Variants in THSD7B observed in about 807,000 individuals in gnomAD.
THSD7B encodes the protein thrombospondin type 1 domain containing 7B.
A neutral mutation model predicts 213.6 loss-of-function variants in THSD7B; 138 were observed. The observed-to-expected ratio is 0.65, with a 90% confidence interval of 0.56 to 0.74. The LOEUF (loss-of-function observed/expected upper bound fraction) is 0.74. THSD7B is among the 30% of genes least tolerant of loss of function. The pLI, the probability that THSD7B is intolerant of heterozygous loss-of-function variation, is 0.00. For synonymous variants in THSD7B, 742 were observed against 687.0 expected (o/e 1.08, Z -1.25); for missense variants, 1,931 against 1,991.5 (o/e 0.97, Z 0.58).
At chr2:137,271,421 A>ATATGGCTTC (rs1189900871) in intron 10 of THSD7B, among the ~76,000 whole-genome samples, 6 of 138,730 alleles carry the variant, frequency 4.3e-5, no homozygotes, top group African/African-American at 5.5e-5. Context: ...TATAATATAT[A>ATATGGCTTC]ATTATATAAT....
chr2:137,132,220 A>G (rs1451000642), intron 5 of THSD7B, among the ~76,000 whole-genome samples: 1 of 151,184 alleles, frequency 6.6e-6, no homozygotes, highest in Non-Finnish European at 1.5e-5. Context: ...TGATTTTTGT[A>G]CATTGATTTT....
intron 2 of THSD7B, among the ~76,000 whole-genome samples, chr2:137,047,504 T>G (rs543736319): frequency 6.6e-6 from 1 of 152,320 alleles, no homozygotes; most frequent in East Asian, 1.9e-4. Flanking sequence ...GACTGGCTTA[T>G]GCCTCCAGAA....
At chr2:137,322,041 T>A (rs1276490438) in intron 12 of THSD7B, among the ~76,000 whole-genome samples, 35 of 152,206 alleles carry the variant, frequency 2.3e-4, no homozygotes. Context: ...TTACTTCTCA[T>A]ATGTTGGATT....
At chr2:137,510,310 A>G (rs1344336005) in intron 15 of THSD7B, among the ~76,000 whole-genome samples, 2 of 152,114 alleles carry the variant, frequency 1.3e-5, no homozygotes, top group Non-Finnish European at 2.9e-5. Context: ...TGCATCTTGA[A>G]TTGATTATAA....
At chr2:137,302,952 T>C (rs1683641046) in intron 12 of THSD7B, among the ~76,000 whole-genome samples, 1 of 152,166 alleles carries the variant, frequency 6.6e-6, no homozygotes, top group South Asian at 2.1e-4. Flanking sequence ...CGGTATGTAG[T>C]TCTCAAATGC....
intron 15 of THSD7B, among the ~76,000 whole-genome samples, chr2:137,552,125 T>G (rs1680860528): frequency 6.6e-6 from 1 of 152,218 alleles, no homozygotes; most frequent in Non-Finnish European, 1.5e-5. Context: ...GGTAGTTTAC[T>G]GAAAGACTTT....
chr2:137,419,635 G>A (rs554904959), intron 14 of THSD7B, among the ~76,000 whole-genome samples: 2 of 151,864 alleles, frequency 1.3e-5, no homozygotes, highest in African/African-American at 4.8e-5. Flanking sequence ...GGGCACAACA[G>A]TGTAGAAAAC....
chr2:137,207,070 A>T (rs1681002091), intron 7 of THSD7B, among the ~76,000 whole-genome samples: 1 of 152,038 alleles, frequency 6.6e-6, no homozygotes, highest in Non-Finnish European at 1.5e-5. Flanking sequence ...AGACATTTTC[A>T]TAGGTAATTT....
intron 6 of THSD7B, among the ~76,000 whole-genome samples, chr2:137,165,003 A>C (rs1340170541): frequency 3.9e-5 from 6 of 152,160 alleles, no homozygotes; most frequent in African/African-American, 1.4e-4. Flanking sequence ...AGTTGTGTAC[A>C]TGTACCCTAG....
At chr2:137,261,166 A>G (rs1481774406) in intron 10 of THSD7B, among the ~76,000 whole-genome samples, 2 of 152,048 alleles carry the variant, frequency 1.3e-5, no homozygotes, top group Admixed American at 1.3e-4. Context: ...CTGTTCAAAG[A>G]CAGAGAGTCA....
intron 5 of THSD7B, among the ~76,000 whole-genome samples, chr2:137,154,794 A>T (rs1679884333): frequency 6.6e-6 from 1 of 152,190 alleles, no homozygotes; most frequent in East Asian, 1.9e-4. Flanking sequence ...TTGTATGCTC[A>T]TCTGAATTCA....
intron 5 of THSD7B, among the ~76,000 whole-genome samples, chr2:137,126,457 C>A (rs1413788674): frequency 6.6e-6 from 1 of 151,556 alleles, no homozygotes; most frequent in African/African-American, 2.4e-5. Flanking sequence ...TTCCCCCACC[C>A]CCCTGCCCCA....
At chr2:137,671,240 T>C (rs1683566477) in intron 27 of THSD7B, among the ~76,000 whole-genome samples, 1 of 39,988 alleles carries the variant, frequency 2.5e-5, no homozygotes, top group Non-Finnish European at 7.8e-5. Flanking sequence ...ATTTGCTTTT[T>C]TTTTTTTAAA....
At chr2:137,519,232 G>C (rs10198633) in intron 15 of THSD7B, among the ~76,000 whole-genome samples, 46,723 of 147,418 alleles carry the variant, frequency 0.32, 7,363 homozygotes, top group South Asian at 0.35. Context: ...AGCCTGGCAA[G>C]AGAGTGAGAC....
intron 2 of THSD7B, among the ~76,000 whole-genome samples, chr2:137,029,102 A>G (rs536664725): frequency 1.4e-5 from 2 of 146,806 alleles, no homozygotes; most frequent in South Asian, 2.2e-4. Flanking sequence ...TTTTTGAGAA[A>G]GAGTCTTGCT....
intron 1 of THSD7B, among the ~76,000 whole-genome samples, chr2:136,782,011 C>A (rs533328018): frequency 1.3e-5 from 2 of 152,270 alleles, no homozygotes; most frequent in South Asian, 2.1e-4. Context: ...TAAAAAACTT[C>A]CATAGTGACA....
At chr2:137,040,814 G>A (rs1686870075) in intron 2 of THSD7B, among the ~76,000 whole-genome samples, 1 of 152,144 alleles carries the variant, frequency 6.6e-6, no homozygotes, top group Non-Finnish European at 1.5e-5. Flanking sequence ...GTCTTGAACA[G>A]AATAAAAGAA....
intron 9 of THSD7B, among the ~76,000 whole-genome samples, chr2:137,241,712 A>T (rs1681909656): frequency 6.6e-6 from 1 of 152,120 alleles, no homozygotes; most frequent in African/African-American, 2.4e-5. Flanking sequence ...AGAGATCGAG[A>T]TCATCCTGGT....
At chr2:137,072,672 G>C (rs1489575377) in intron 3 of THSD7B, among the ~76,000 whole-genome samples, 3 of 152,144 alleles carry the variant, frequency 2.0e-5, no homozygotes, top group South Asian at 4.1e-4. Context: ...GGGCGTCCCT[G>C]TCTTGTGCCC....
Sources: gnomAD v4.1 joint callset for allele counts (sites outside exome capture counted in the v4.1 genomes callset) on GRCh38, gnomAD v4.1.1 for gene constraint, MANE v1.5 for transcripts, NCBI Gene and HGNC (gene_info 2026-07-23, HGNC 2026-07-21) for gene names.